The following NRK variants were observed in gnomAD, a reference collection of about 807,000 sequenced individuals.
The protein encoded by NRK is nik-related protein kinase.
Under a neutral mutation model 125.2 loss-of-function variants are expected in NRK, and 67 were observed. That is an observed-to-expected ratio of 0.54 (90% CI 0.44 to 0.66). The LOEUF (loss-of-function observed/expected upper bound fraction) is 0.66. Among genes scored for constraint, NRK ranks in the 30% least tolerant of loss-of-function variants. The pLI is 0.00. For missense variants in NRK, 1,224 were observed against 1,192.9 expected (o/e 1.03, Z -0.38); for synonymous variants, 458 against 429.0 (o/e 1.07, Z -0.84).
At chrX:105,866,370 A>G (rs1312371855) in intron 2 of NRK, among the ~76,000 whole-genome samples, 3 of 111,810 alleles carry the variant, frequency 2.7e-5, no homozygotes, top group African/African-American at 9.7e-5. Flanking sequence ...ATGGAAATAT[A>G]TTGAATTCTG....
chrX:105,930,601 A>G (rs1437172270), intron 19 of NRK, among the ~76,000 whole-genome samples: 1 of 111,122 alleles, frequency 9.0e-6, no homozygotes, highest in Non-Finnish European at 1.9e-5. Flanking sequence ...CTACTGGAAA[A>G]TTATTATGTT....
chrX:105,941,599 A>G (rs2040743566), intron 23 of NRK, among the ~76,000 whole-genome samples: 1 of 98,718 alleles, frequency 1.0e-5, no homozygotes, highest in Non-Finnish European at 2.0e-5. Flanking sequence ...GAGAATGCGT[A>G]GGGATGGCAG....
chrX:105,908,398 T>TC, intron 12 of NRK, 95 bp downstream of exon 12: 1 of 468,377 alleles, frequency 2.1e-6, no homozygotes, highest in East Asian at 4.0e-5. Flanking sequence ...AAGACTTAAT[T>TC]CTTTCTGATA....
At chrX:105,892,753 T>C (rs938952505) in intron 5 of NRK, among the ~76,000 whole-genome samples, 1 of 111,601 alleles carries the variant, frequency 9.0e-6, no homozygotes, top group African/African-American at 3.3e-5. Flanking sequence ...TTGGTGAAAG[T>C]GTACTCAGGT....
chrX:105,845,730 C>T (rs1404470059), intron 2 of NRK, among the ~76,000 whole-genome samples: 1 of 111,482 alleles, frequency 9.0e-6, no homozygotes, highest in African/African-American at 3.3e-5. Context: ...CCAGATCAGC[C>T]TATCTAAGAA....
chrX:105,898,621 T>C lies in NRK; in HGVS notation c.618T>C (p.Asn206=). 1.7e-6 allele frequency: 2 copies of C among 1,200,944 alleles called. No individual in the cohort carries two copies. Among genetic ancestry groups the C allele is most frequent in the South Asian group, 3.6e-5 (2 of 55,386 alleles). ...FGVSAQVSRT[N]GRRNSFIGTP... ...TGAGTGCCCAGGTGAGCAGAACTAA[T>C]GGAAGAAGGAATAGTTTCATTGGGA... Residue 206 remains asparagine, a synonymous_variant, in exon 8 of 29, where the codon AAT becomes AAC. Transcript: ENST00000243300.
intron 19 of NRK, among the ~76,000 whole-genome samples, chrX:105,932,160 T>C (rs1194452463): frequency 8.9e-6 from 1 of 112,231 alleles, no homozygotes; most frequent in East Asian, 2.8e-4. Context: ...TATCAGAATT[T>C]CATTCCTTTT....
At chrX:105,940,172 G>T in intron 23 of NRK, 140 bp downstream of exon 23, 1 of 441,095 alleles carries the variant, frequency 2.3e-6, no homozygotes, top group East Asian at 4.1e-5. Flanking sequence ...GACGTTCAGG[G>T]TGGTATGGCT....
chrX:105,922,061 T>A lies in NRK; in HGVS notation c.2610T>A (p.His870Gln). The change falls in exon 17 of 29, where the codon CAT becomes CAA. Residue 870 changes from histidine to glutamine, a missense_variant and splice_region_variant. Physicochemically the swap from His to Gln is conservative, Grantham distance 24. Coordinates refer to ENST00000243300, the MANE Select transcript of NRK (RefSeq NM_198465.4). ...TIDQKLLVDIHVPDGFKVGKI... is the reference protein window; with the variant it reads ...TIDQKLLVDIQVPDGFKVGKI... ...ATCAGAAGTTGCTGGTTGACATCCA[T>A]GTAAGTTTCCATCTTAACACATTAA... 2 of 1,034,203 alleles carry A rather than the reference T, an allele frequency of 1.9e-6. No individual in the cohort carries two copies. The highest frequency in any genetic ancestry group is 2.7e-6 in the Non-Finnish European group (2 of 738,397). 85.2% of individuals were successfully genotyped at this position (1,034,203 alleles called of 1,213,427 possible).
At chrX:105,929,482 T>C (rs2040567289) in intron 19 of NRK, among the ~76,000 whole-genome samples, 2 of 111,338 alleles carry the variant, frequency 1.8e-5, no homozygotes, top group Admixed American at 9.6e-5. Context: ...TCTATATGTT[T>C]AATTACAGAA....
At chrX:105,825,721 A>G (rs142915696) in intron 1 of NRK, among the ~76,000 whole-genome samples, 1,172 of 111,782 alleles carry the variant, frequency 0.01, 13 homozygotes, top group African/African-American at 0.036. Context: ...CTTTTATACA[A>G]TGATATAACT....
intron 4 of NRK, among the ~76,000 whole-genome samples, chrX:105,887,203 A>G (rs1430822793): frequency 8.9e-6 from 1 of 112,491 alleles, no homozygotes; most frequent in African/African-American, 3.2e-5. Flanking sequence ...AGGCACTTGT[A>G]TCTAGAATAT....
intron 2 of NRK, among the ~76,000 whole-genome samples, chrX:105,836,588 C>T (rs1196786034): frequency 1.8e-5 from 2 of 112,053 alleles, no homozygotes; most frequent in Non-Finnish European, 3.8e-5. Flanking sequence ...TGTAAATAAA[C>T]ACTTAAAAAT....
At chrX:105,888,572 A>G (rs1313721482) in intron 5 of NRK, among the ~76,000 whole-genome samples, 153 bp downstream of exon 5, 2 of 111,399 alleles carry the variant, frequency 1.8e-5, no homozygotes, top group African/African-American at 3.3e-5. Context: ...TCACAATGCT[A>G]TTAGGTTGGC....
At chrX:105,886,640 T>C (rs1362669163) in intron 4 of NRK, among the ~76,000 whole-genome samples, 3 of 106,771 alleles carry the variant, frequency 2.8e-5, no homozygotes, top group Non-Finnish European at 5.8e-5. Flanking sequence ...CACTAAACAG[T>C]TAATATTGCT....
At chrX:105,829,701 T>G (rs1602588080) in intron 1 of NRK, among the ~76,000 whole-genome samples, 1 of 111,879 alleles carries the variant, frequency 8.9e-6, no homozygotes, top group East Asian at 2.8e-4. Flanking sequence ...TTTTGTTTCC[T>G]ATGATGCCAC....
intron 26 of NRK, 131 bp downstream of exon 26, chrX:105,946,595 A>G: frequency 2.2e-6 from 1 of 453,022 alleles, no homozygotes; most frequent in Non-Finnish European, 3.6e-6. Flanking sequence ...ATAAAAGGTA[A>G]GTATAGAGTG....
intron 23 of NRK, among the ~76,000 whole-genome samples, chrX:105,941,555 AAGAGAGAGAGAG>A (rs771874766): frequency 3.5e-5 from 3 of 85,268 alleles, no homozygotes; most frequent in Non-Finnish European, 4.5e-5. Flanking sequence ...GAGAGACAGA[AAGAGAGAGAGAG>A]AGAGAGAGAG....
At chrX:105,852,563 T>C (rs1231764841) in intron 2 of NRK, among the ~76,000 whole-genome samples, 1 of 111,408 alleles carries the variant, frequency 9.0e-6, no homozygotes, top group Non-Finnish European at 1.9e-5. Context: ...TTGGCCTTCA[T>C]TTTTTTTCTT....
Sources: gnomAD v4.1 joint callset for allele counts (sites outside exome capture counted in the v4.1 genomes callset) on GRCh38, gnomAD v4.1.1 for gene constraint, MANE v1.5 for transcripts, NCBI Gene and HGNC (gene_info 2026-07-23, HGNC 2026-07-21) for gene names.